MYH15: variants seen among roughly 807,000 people sequenced by gnomAD.
MYH15 encodes the protein myosin-15.
In MYH15, 227 loss-of-function variants were observed where a neutral mutation model predicts 240.5. The ratio of observed to expected loss-of-function variants is 0.94; its 90% confidence interval spans 0.85 to 1.05. The LOEUF is 1.05. MYH15 is among the 50% of genes least tolerant of loss of function. MYH15 has a pLI of 0.00. For missense variants in MYH15, 2,217 were observed against 2,247.5 expected, an observed-to-expected ratio of 0.99 and a Z score of 0.27; for synonymous variants, 785 against 796.7, an observed-to-expected ratio of 0.99 and a Z score of 0.25.
intron 37 of MYH15, among the ~76,000 whole-genome samples, chr3:108,391,195 T>C (rs1480251163): frequency 6.6e-6 from 1 of 152,242 alleles, no homozygotes; most frequent in East Asian, 1.9e-4. Flanking sequence ...ATTTATCATA[T>C]GCCTTGTCTG....
intron 40 of MYH15, among the ~76,000 whole-genome samples, chr3:108,382,835 A>T (rs931940239): frequency 1.3e-5 from 2 of 152,210 alleles, no homozygotes; most frequent in Non-Finnish European, 2.9e-5. Context: ...GATTTCAGGC[A>T]ATCTATTAGC....
intron 9 of MYH15, among the ~76,000 whole-genome samples, chr3:108,491,129 C>G (rs2083343588): frequency 6.6e-6 from 1 of 152,084 alleles, no homozygotes; most frequent in African/African-American, 2.4e-5. Context: ...CTCAAGCAAT[C>G]CATCTGCCTC....
rs376434201 is a variant in MYH15, at chr3:108,439,845, C to A, written c.2967G>T (p.Lys989Asn). 8 of 1,612,898 alleles carry A rather than the reference C, an allele frequency of 5.0e-6. No individual in the cohort carries two copies. In the African/African-American group the frequency reaches 1.1e-4, roughly 22 times the overall value. Residue 989 changes from lysine to asparagine, a missense_variant, in exon 24 of 41, where the codon AAG (lysine) becomes AAT (asparagine). Physicochemically the swap from Lys to Asn is moderately conservative, Grantham distance 94 (BLOSUM62 0). Coordinates refer to ENST00000693548, the MANE Select transcript of MYH15 (RefSeq NM_014981.3). ...TCTGCTGATGGGCCTCCTGCACAAC[C>A]TTGGCTGCTCTGTTAAGTTTGCTGA... ...EDISKLNRAA[K>N]VVQEAHQQTL...
rs1382181181 is a variant in MYH15, at chr3:108,463,806, A to G, written c.1732-563T>C. ...AACAGACAGGAAGGGAAGAAGGGAG[A>G]GAGATAGGGGAAGAAGTAGAAGAGA... On this transcript the variant is annotated intron_variant, in intron 15 of 40. Transcript: ENST00000693548. Among the ~76,000 whole-genome samples, 2 of 152,102 alleles carry G rather than the reference A, an allele frequency of 1.3e-5. 1 individual carries two copies. The highest frequency in any genetic ancestry group is 4.1e-4 in the South Asian group (2 of 4,828).
intron 29 of MYH15, among the ~76,000 whole-genome samples, chr3:108,416,462 G>A (rs992712142): frequency 1.3e-5 from 2 of 152,132 alleles, no homozygotes; most frequent in African/African-American, 4.8e-5. Flanking sequence ...GTAATATTGA[G>A]CTAACCCAGT....
At chr3:108,500,438 A>C (rs1436740431) in intron 3 of MYH15, among the ~76,000 whole-genome samples, 164 bp from the exon 4 acceptor site, 2 of 152,230 alleles carry the variant, frequency 1.3e-5, no homozygotes, top group Non-Finnish European at 2.9e-5. Context: ...AAGAAGAGAC[A>C]GAACCAGGTT....
rs997110465 is a variant in MYH15 at position 108,381,246 on chromosome 3, A to G, written c.*299T>C. The G allele has an allele frequency of 1.3e-5, 6 of 452,138 alleles. No homozygotes were observed. Among genetic ancestry groups the G allele is most frequent in the Non-Finnish European group, 2.0e-5 (5 of 249,070 alleles). 28.0% of individuals were successfully genotyped at this position (452,138 alleles called of 1,614,324 possible). A position where few individuals can be genotyped will look rare whatever the true frequency, so the allele number is the denominator to read the frequency against. ...TACCCATTAAGAGGAAATATGGACA[A>G]AGGATCAAGTATTTATTCATTTTTT... On this transcript the variant is annotated 3_prime_UTR_variant, in exon 41 of 41. Coordinates refer to ENST00000693548, the MANE Select transcript of MYH15 (RefSeq NM_014981.3).
intron 14 of MYH15, among the ~76,000 whole-genome samples, chr3:108,469,815 G>A (rs1277897720): frequency 6.6e-6 from 1 of 152,210 alleles, no homozygotes; most frequent in African/African-American, 2.4e-5. Flanking sequence ...AGCATCAAAT[G>A]TGCAGTGAAA....
chr3:108,522,000 G>A (rs1305492238), intron 1 of MYH15, among the ~76,000 whole-genome samples: 1 of 152,154 alleles, frequency 6.6e-6, no homozygotes, highest in East Asian at 1.9e-4. Context: ...GAGGATTCAA[G>A]ATGTTCAGTT....
chr3:108,494,864 T>C (rs1285182881), intron 7 of MYH15, among the ~76,000 whole-genome samples: 1 of 152,214 alleles, frequency 6.6e-6, no homozygotes, highest in Admixed American at 6.5e-5. Flanking sequence ...TCTTTCCTTT[T>C]TTAAAATGTT....
At chr3:108,524,739 A>C (rs2083653209) in intron 1 of MYH15, among the ~76,000 whole-genome samples, 1 of 152,076 alleles carries the variant, frequency 6.6e-6, no homozygotes, top group South Asian at 2.1e-4. Flanking sequence ...AATAACAATG[A>C]CTTAAATACG....
intron 30 of MYH15, among the ~76,000 whole-genome samples, chr3:108,412,695 A>C (rs2082603674): frequency 6.6e-6 from 1 of 152,238 alleles, no homozygotes; most frequent in African/African-American, 2.4e-5. Context: ...TTGGAAATTA[A>C]GAAACTAAAT....
intron 7 of MYH15, among the ~76,000 whole-genome samples, chr3:108,495,323 A>C (rs2083381901): frequency 6.6e-6 from 1 of 152,218 alleles, no homozygotes; most frequent in Non-Finnish European, 1.5e-5. Flanking sequence ...TCCAGTGAAA[A>C]ATATGCAGGG....
At chr3:108,406,116 AG>A (rs199566871) in intron 32 of MYH15, among the ~76,000 whole-genome samples, 2,450 of 152,340 alleles carry the variant, frequency 0.016, 44 homozygotes, top group Non-Finnish European at 0.024. Context: ...GATGTTATAA[AG>A]GCAATTCAAT....
upstream of MYH15, among the ~76,000 whole-genome samples, chr3:108,510,885 G>T (rs1449714231): frequency 6.6e-6 from 1 of 152,100 alleles, no homozygotes; most frequent in Admixed American, 6.6e-5. Context: ...AAATATAAAA[G>T]TAATATGAAT....
chr3:108,495,951 G>T, intron 6 of MYH15, 79 bp from the exon 7 acceptor site: 2 of 1,053,446 alleles, frequency 1.9e-6, no homozygotes. Flanking sequence ...CCATCTCCAG[G>T]TCAAACCCCA....
In MYH15 at chr3:108,498,260, A is replaced by T. The variant is rs1002746339; in HGVS notation, c.525-115T>A. ...AGCAGGGAAGCTTTTACATAAAAGTAGAGCTTCAGATGGAACTTGAGGATA... is the reference window on the plus strand; with the variant it reads ...AGCAGGGAAGCTTTTACATAAAAGTTGAGCTTCAGATGGAACTTGAGGATA... On this transcript the variant is annotated intron_variant, in intron 5 of 40. Coordinates refer to ENST00000693548, the MANE Select transcript of MYH15 (RefSeq NM_014981.3). The T allele has an allele frequency of 8.3e-6, 7 of 845,730 alleles. No homozygotes were observed. In the African/African-American group the frequency reaches 8.4e-5, roughly 10 times the overall value. The allele number at this position is 845,730 out of a possible 1,614,324, so 52.4% of individuals were successfully genotyped here.
chr3:108,434,826 C>T lies in MYH15; in HGVS notation c.3221+2728G>A, dbSNP rs1243661169. 2.6e-5 allele frequency among the ~76,000 whole-genome samples: 4 copies of T among 152,180 alleles called. No homozygotes were observed. The South Asian group carries it at 6.2e-4, about 24-fold the overall frequency. On this transcript the variant is annotated intron_variant, in intron 25 of 40. Transcript: ENST00000693548. ...GTGAGTGCTAAAAAAATAAGATAGC[C>T]CTGTCCCTTGCTCTCCATTAGCAGT...
intron 20 of MYH15, among the ~76,000 whole-genome samples, 166 bp from the exon 21 acceptor site, chr3:108,454,308 T>C (rs181933687): frequency 1.5e-4 from 23 of 152,306 alleles, no homozygotes; most frequent in Admixed American, 1.4e-3. Context: ...AGTTTGATTT[T>C]ATAAATCTAA....
Sources: gnomAD v4.1 joint callset for allele counts (sites outside exome capture counted in the v4.1 genomes callset) on GRCh38, gnomAD v4.1.1 for gene constraint, MANE v1.5 for transcripts, NCBI Gene and HGNC (gene_info 2026-07-23, HGNC 2026-07-21) for gene names.